EHHADH: variants seen among roughly 807,000 people sequenced by gnomAD.
EHHADH encodes the protein enoyl-CoA hydratase and 3-hydroxyacyl CoA dehydrogenase.
In EHHADH, 48 loss-of-function variants were observed where a neutral mutation model predicts 64.4. The ratio of observed to expected loss-of-function variants is 0.75; its 90% CI spans 0.59 to 0.95. The LOEUF (loss-of-function observed/expected upper bound fraction) is 0.95, where lower values mean the gene tolerates loss of function less well. Ranked by LOEUF, EHHADH falls within the 40% of genes least tolerant of loss-of-function variation. The pLI is 0.00. For synonymous variants in EHHADH, 308 were observed against 326.7 expected (o/e 0.94, Z 0.62); for missense variants, 854 against 876.6 (o/e 0.97, Z 0.33).
intron 4 of EHHADH, among the ~76,000 whole-genome samples, chr3:185,219,627 A>G (rs1247260806): frequency 6.6e-6 from 1 of 152,196 alleles, no homozygotes; most frequent in Non-Finnish European, 1.5e-5. Context: ...GGTAGGGGAC[A>G]TCAGCATCCC....
chr3:185,251,685 T>C (rs1193069568), intron 1 of EHHADH, among the ~76,000 whole-genome samples: 1 of 151,790 alleles, frequency 6.6e-6, no homozygotes, highest in Non-Finnish European at 1.5e-5. Context: ...AGGAGACGAC[T>C]TCCCATATAA....
At chr3:185,224,305 G>A (rs1355325691) in intron 4 of EHHADH, among the ~76,000 whole-genome samples, 2 of 151,752 alleles carry the variant, frequency 1.3e-5, no homozygotes, top group Non-Finnish European at 2.9e-5. Context: ...TTTGAGACCA[G>A]CCTGGTCAAC....
intron 6 of EHHADH, among the ~76,000 whole-genome samples, chr3:185,202,938 T>C (rs1718269594): frequency 6.7e-6 from 1 of 148,410 alleles, no homozygotes; most frequent in Non-Finnish European, 1.5e-5. Context: ...GCTTAAAATG[T>C]AGATCTCATA....
chr3:185,205,741 T>C (rs1718370323), intron 5 of EHHADH, among the ~76,000 whole-genome samples: 1 of 152,142 alleles, frequency 6.6e-6, no homozygotes, highest in Non-Finnish European at 1.5e-5. Context: ...AGCCAGAAGT[T>C]GACGTGAGGT....
At position 185,213,119 on chromosome 3, in the gene EHHADH, CAAAAAAAA is replaced by C. The variant is rs550233979; in HGVS notation, c.568+5009_568+5016del. ...TGGGTGAAGAAGCAAGACTCTGTCT[CAAAAAAAA>C]AAAAAAAAAAAAAAAAAAAGACTAT... On this transcript the variant is annotated intron_variant, in intron 5 of 6. Transcript: ENST00000231887. 9.1e-4 allele frequency among the ~76,000 whole-genome samples: 39 copies of C among 43,056 alleles called. 1 individual carries two copies. Among genetic ancestry groups the C allele is most frequent in the South Asian group, 3.9e-3 (2 of 516 alleles). The allele number at this position is 43,056 out of a possible 152,430, so 28.2% of individuals were successfully genotyped here.
At chr3:185,247,448 T>G (rs1228028354) in intron 2 of EHHADH, among the ~76,000 whole-genome samples, 1 of 152,154 alleles carries the variant, frequency 6.6e-6, no homozygotes, top group Non-Finnish European at 1.5e-5. Context: ...GGACATTATA[T>G]TAATCTCTCC....
intron 4 of EHHADH, among the ~76,000 whole-genome samples, chr3:185,219,611 G>A (rs970855275): frequency 2.6e-5 from 4 of 152,150 alleles, no homozygotes; most frequent in African/African-American, 9.7e-5. Flanking sequence ...ATATTCTGAG[G>A]TAAGAGGTAG....
Position 185,204,712 on chromosome 3 carries a change from C to T in EHHADH, c.614G>A (p.Ser205Asn), listed in dbSNP as rs1370540329. ...AAAAATGCTGTCCATGTTGGGCAAGCTCTGAATTGGCTTGTTGCAGAGTCT... is the reference window on the plus strand; with the variant it reads ...AAAAATGCTGTCCATGTTGGGCAAGTTCTGAATTGGCTTGTTGCAGAGTCT... ...SRRLCNKPIQ[S>N]LPNMDSIFSE... Residue 205 changes from serine (S) to asparagine (N), a missense_variant, in exon 6 of 7, where the codon AGC becomes AAC. Physicochemically the swap from Ser to Asn is conservative, Grantham distance 46. Transcript: ENST00000231887. 4 of 1,613,794 alleles carry T rather than the reference C, an allele frequency of 2.5e-6. No homozygotes were observed. The highest frequency in any genetic ancestry group is 1.7e-5 in the Admixed American group (1 of 59,998).
intron 3 of EHHADH, 58 bp downstream of exon 3, chr3:185,235,232 A>G (rs1719255757): frequency 1.4e-6 from 2 of 1,455,682 alleles, no homozygotes; most frequent in Admixed American, 4.6e-5. Flanking sequence ...CTACATTTAG[A>G]GTTTGCCCTA....
rs578025275 is a variant in EHHADH, at chr3:185,220,396, T to C, written c.464-2156A>G. ...GATGTGTTTAGATACATAAATACTT[T>C]CCATTGTGTTACAAATGCCTACAGT... On this transcript the variant is annotated intron_variant, in intron 4 of 6. Transcript: ENST00000231887. Among the ~76,000 whole-genome samples the C allele has an allele frequency of 1.4e-4, 21 of 152,320 alleles. No homozygotes were observed. The South Asian group carries it at 3.5e-3, about 26-fold the overall frequency.
chr3:185,212,936 A>G (rs952445412), intron 5 of EHHADH, among the ~76,000 whole-genome samples: 1 of 151,896 alleles, frequency 6.6e-6, no homozygotes, highest in Non-Finnish European at 1.5e-5. Context: ...ACTGGTCAAC[A>G]TGGTGAAACC....
chr3:185,227,172 C>A (rs1271933475), intron 4 of EHHADH, among the ~76,000 whole-genome samples: 2 of 152,144 alleles, frequency 1.3e-5, no homozygotes, highest in Non-Finnish European at 2.9e-5. Flanking sequence ...AGTCTAATAC[C>A]AAGATCTTCA....
At chr3:185,240,711 C>G (rs754368923) in intron 2 of EHHADH, among the ~76,000 whole-genome samples, 19 of 151,914 alleles carry the variant, frequency 1.3e-4, no homozygotes, top group Admixed American at 5.9e-4. Flanking sequence ...TTTCAAAGAA[C>G]CAACTTTTCA....
intron 3 of EHHADH, among the ~76,000 whole-genome samples, chr3:185,233,142 G>A (rs1374234793): frequency 6.6e-6 from 1 of 152,088 alleles, no homozygotes; most frequent in Non-Finnish European, 1.5e-5. Flanking sequence ...ACTATGTAAA[G>A]CAACAATGAT....
chr3:185,218,225 G>T lies in EHHADH; in HGVS notation c.479C>A (p.Ala160Glu). ...AATGCCCAGCTTGAGTGCTTCATCT[G>T]CTAAAATACGTCTTCCTGAAATAAA... The part of the protein sequence containing the change: ...DLITSGRRIL[A>E]DEALKLGILD... The change falls in exon 5 of 7, where the codon GCA (alanine) becomes GAA (glutamate). Residue 160 changes from alanine to glutamate, a missense_variant. Transcript: ENST00000231887. 6.2e-7 allele frequency: 1 copy of T among 1,602,562 alleles called. No individual in the cohort carries two copies. The highest frequency in any genetic ancestry group is 8.5e-7 in the Non-Finnish European group (1 of 1,175,462).
intron 6 of EHHADH, among the ~76,000 whole-genome samples, chr3:185,201,452 C>G (rs1046434876): frequency 6.6e-6 from 1 of 152,208 alleles, no homozygotes; most frequent in Non-Finnish European, 1.5e-5. Context: ...AGTGACCCAG[C>G]TGTCCATGGA....
chr3:185,225,540 T>C lies in EHHADH; in HGVS notation c.463+3892A>G, dbSNP rs147716035. Reference sequence around the variant, plus strand: ...TCCTGTTTTTGTCCTTGTCTCCAATTAGTATATTTTCAACAGCCAGAGTGA... The same window carrying C: ...TCCTGTTTTTGTCCTTGTCTCCAATCAGTATATTTTCAACAGCCAGAGTGA... On this transcript the variant is annotated intron_variant, in intron 4 of 6. Transcript: ENST00000231887. Among the ~76,000 whole-genome samples the C allele has an allele frequency of 2.1e-3, 318 of 152,278 alleles. 4 individuals carry two copies. The highest frequency in any genetic ancestry group is 7.2e-3 in the African/African-American group (298 of 41,560).
intron 2 of EHHADH, chr3:185,246,010 T>C: frequency 1.3e-5 from 18 of 1,402,750 alleles, no homozygotes; most frequent in Non-Finnish European, 1.7e-5. Flanking sequence ...CTTCATCTTC[T>C]AGAGCTTCAT....
At chr3:185,235,850 G>C (rs1250926519) in intron 2 of EHHADH, among the ~76,000 whole-genome samples, 3 of 152,064 alleles carry the variant, frequency 2.0e-5, no homozygotes, top group Admixed American at 2.0e-4. Context: ...TCTCATTTTT[G>C]TATGTGTGAT....
Sources: allele counts gnomAD v4.1 joint callset (sites outside exome capture counted in the v4.1 genomes callset), GRCh38; gene constraint gnomAD v4.1.1; transcripts MANE v1.5; gene names NCBI Gene and HGNC (gene_info 2026-07-23, HGNC 2026-07-21).